PPFIA2: variants seen among roughly 807,000 people sequenced by gnomAD.
PPFIA2 encodes the protein liprin-alpha-2.
PPFIA2 carries 46 observed loss-of-function variants against 175.5 expected under a neutral mutation model. That is an observed-to-expected ratio of 0.26 (90% CI 0.21 to 0.34). The LOEUF is 0.34. PPFIA2 is among the 10% of genes least tolerant of loss of function. PPFIA2 has a pLI of 1.00. For missense variants in PPFIA2, 1,179 were observed against 1,506.1 expected (o/e 0.78, Z 3.60); for synonymous variants, 568 against 511.4 (o/e 1.11, Z -1.49).
intron 22 of PPFIA2, among the ~76,000 whole-genome samples, chr12:81,315,716 T>C (rs1198711620): frequency 6.6e-6 from 1 of 151,594 alleles, no homozygotes; most frequent in Admixed American, 6.6e-5. Flanking sequence ...TTTGAATGGG[T>C]GATCTATGTG....
chr12:81,339,799 C>T (rs145372711), intron 20 of PPFIA2, among the ~76,000 whole-genome samples: 265 of 152,136 alleles, frequency 1.7e-3, no homozygotes, highest in African/African-American at 6.0e-3. Context: ...CTCTAGCCAT[C>T]GTTCCCTTTC....
intron 24 of PPFIA2, among the ~76,000 whole-genome samples, chr12:81,293,960 A>G (rs1594105105): frequency 6.6e-6 from 1 of 152,190 alleles, no homozygotes; most frequent in Non-Finnish European, 1.5e-5. Flanking sequence ...TGCAGTCATA[A>G]AAAAGAATAA....
At chr12:81,377,868 T>A (rs1163940362) in intron 9 of PPFIA2, among the ~76,000 whole-genome samples, 1 of 152,160 alleles carries the variant, frequency 6.6e-6, no homozygotes, top group African/African-American at 2.4e-5. Context: ...AAAATTCGTG[T>A]CCACTCTGAA....
At chr12:81,502,469 T>C (rs1336597726) in intron 4 of PPFIA2, among the ~76,000 whole-genome samples, 3 of 152,180 alleles carry the variant, frequency 2.0e-5, no homozygotes, top group African/African-American at 7.2e-5. Flanking sequence ...TCTAATTTAG[T>C]GAGTCTTGGT....
In PPFIA2 at chr12:81,368,234, A is replaced by T. The variant is rs2034094508; in HGVS notation, c.1482+491T>A. The T allele has an allele frequency of 7.4e-6, 8 of 1,082,926 alleles. No homozygotes were observed. In the South Asian group the frequency reaches 1.0e-4, roughly 14 times the overall value. The allele number at this position is 1,082,926 out of a possible 1,614,324, so 67.1% of individuals were successfully genotyped here. A position where few individuals can be genotyped will look rare whatever the true frequency, so the allele number is the denominator to read the frequency against. Reference sequence around the variant, plus strand: ...GTACAGAAGCACTATTTCTGAAATAATGCAGCTGAAAATACTGGGTTCCTA... The same window carrying T: ...GTACAGAAGCACTATTTCTGAAATATTGCAGCTGAAAATACTGGGTTCCTA... On this transcript the variant is annotated intron_variant, in intron 13 of 32. Transcript: ENST00000549396.
chr12:81,431,545 A>G (rs905919192), intron 7 of PPFIA2: 1 of 152,170 alleles, frequency 6.6e-6, no homozygotes, highest in Admixed American at 6.6e-5. Flanking sequence ...ATTTATTTAC[A>G]ATATTTTGTT....
chr12:81,572,189 T>A (rs1446737344), intron 4 of PPFIA2, among the ~76,000 whole-genome samples: 1 of 151,912 alleles, frequency 6.6e-6, no homozygotes. Flanking sequence ...ACTCCACTTC[T>A]CCTAATCTCC....
At chr12:81,751,714 A>G (rs1036391945) in intron 3 of PPFIA2, among the ~76,000 whole-genome samples, 3 of 152,134 alleles carry the variant, frequency 2.0e-5, no homozygotes, top group African/African-American at 7.2e-5. Context: ...TTAAAACTTA[A>G]CATTTTAAAG....
At chr12:81,341,825 TA>T (rs2058142940) in intron 19 of PPFIA2, among the ~76,000 whole-genome samples, 1 of 152,136 alleles carries the variant, frequency 6.6e-6, no homozygotes, top group Non-Finnish European at 1.5e-5. Context: ...CATATAGCAT[TA>T]TACATACTCA....
chr12:81,419,089 C>A (rs2045824171), intron 7 of PPFIA2, among the ~76,000 whole-genome samples: 2 of 151,860 alleles, frequency 1.3e-5, no homozygotes, highest in South Asian at 2.1e-4. Flanking sequence ...TAATATAAGA[C>A]CCTTAAGGAA....
chr12:81,406,985 G>A (rs2043048608), intron 7 of PPFIA2, among the ~76,000 whole-genome samples: 1 of 152,138 alleles, frequency 6.6e-6, no homozygotes, highest in African/African-American at 2.4e-5. Context: ...CATGACATCA[G>A]TTGATCTAGC....
intron 21 of PPFIA2, among the ~76,000 whole-genome samples, chr12:81,326,312 G>A (rs1245847713): frequency 1.3e-5 from 2 of 152,092 alleles, no homozygotes; most frequent in Admixed American, 1.3e-4. Context: ...AGGAACTCAA[G>A]TATATGTTTT....
intron 4 of PPFIA2, among the ~76,000 whole-genome samples, chr12:81,481,351 A>G (rs2058193265): frequency 6.6e-6 from 1 of 152,166 alleles, no homozygotes; most frequent in Non-Finnish European, 1.5e-5. Context: ...TATTCCCATC[A>G]AACTACCATT....
intron 4 of PPFIA2, among the ~76,000 whole-genome samples, chr12:81,655,859 AATAAAATGTTCTAC>A (rs1294970719): frequency 7.9e-5 from 12 of 151,988 alleles, no homozygotes; most frequent in African/African-American, 2.9e-4. Flanking sequence ...GGAGAAGTAA[AATAAAATGTTCTAC>A]CATGATTGAG....
At chr12:81,563,899 T>C (rs1406678727) in intron 4 of PPFIA2, among the ~76,000 whole-genome samples, 2 of 152,238 alleles carry the variant, frequency 1.3e-5, no homozygotes, top group Non-Finnish European at 2.9e-5. Flanking sequence ...AAATGTGTTA[T>C]GCTATAATAG....
chr12:81,757,883 A>G (rs1406270366), intron 2 of PPFIA2, among the ~76,000 whole-genome samples: 1 of 152,176 alleles, frequency 6.6e-6, no homozygotes, highest in Non-Finnish European at 1.5e-5. Flanking sequence ...GTTTCTTCTG[A>G]AAACATTTAG....
At chr12:81,738,785 G>C (rs947498332) in intron 3 of PPFIA2, among the ~76,000 whole-genome samples, 2 of 151,638 alleles carry the variant, frequency 1.3e-5, no homozygotes, top group African/African-American at 2.4e-5. Context: ...AATTTAAAGA[G>C]AAAGATTATC....
chr12:81,531,145 C>T (rs766706266), intron 4 of PPFIA2, among the ~76,000 whole-genome samples: 6 of 151,856 alleles, frequency 4.0e-5, no homozygotes, highest in Non-Finnish European at 8.8e-5. Context: ...TACTTTGCAA[C>T]CAGTTTACTT....
chr12:81,512,725 C>T lies in PPFIA2; in HGVS notation c.304-54859G>A, dbSNP rs548490501. 4.6e-5 allele frequency among the ~76,000 whole-genome samples: 7 copies of T among 152,060 alleles called. No individual in the cohort carries two copies. In the South Asian group the frequency reaches 1.5e-3, roughly 32 times the overall value. On this transcript the variant is annotated intron_variant, in intron 4 of 32. Transcript: ENST00000549396. ...CCCACAAGTCCCAAAAGTTCATTACCTCATTCTTATGCTTTTACAGCCTCA... is the reference window on the plus strand; with the variant it reads ...CCCACAAGTCCCAAAAGTTCATTACTTCATTCTTATGCTTTTACAGCCTCA...
Sources: allele counts gnomAD v4.1 joint callset (sites outside exome capture counted in the v4.1 genomes callset), GRCh38; gene constraint gnomAD v4.1.1; transcripts MANE v1.5; gene names NCBI Gene and HGNC (gene_info 2026-07-23, HGNC 2026-07-21).